Variants in ROR1 observed in about 807,000 individuals in gnomAD.
ROR1 encodes inactive tyrosine-protein kinase transmembrane receptor ROR1.
ROR1 carries 19 observed loss-of-function variants against 78.8 expected under a neutral mutation model. That is an observed-to-expected ratio of 0.24 (90% CI 0.17 to 0.35). The LOEUF is 0.35. Among genes scored for constraint, ROR1 ranks in the 10% least tolerant of loss-of-function variants. The pLI is 1.00. For synonymous variants in ROR1, 386 were observed against 433.6 expected (o/e 0.89, Z 1.36); for missense variants, 917 against 1,177.8 (o/e 0.78, Z 3.24).
intron 1 of ROR1, among the ~76,000 whole-genome samples, chr1:63,951,672 C>T (rs960934949): frequency 4.6e-5 from 7 of 152,096 alleles, no homozygotes; most frequent in Admixed American, 2.0e-4. Flanking sequence ...TAGGAGGGGC[C>T]TTAGCTATTT....
intron 1 of ROR1, among the ~76,000 whole-genome samples, chr1:63,987,856 A>G (rs148478086): frequency 8.5e-5 from 13 of 152,330 alleles, no homozygotes; most frequent in African/African-American, 2.9e-4. Flanking sequence ...GTCAACGTCA[A>G]TGGAAGTAAA....
At chr1:64,100,205 T>C (rs1272477026) in intron 4 of ROR1, among the ~76,000 whole-genome samples, 1 of 151,624 alleles carries the variant, frequency 6.6e-6, no homozygotes, top group Non-Finnish European at 1.5e-5. Context: ...AAGTTGACCA[T>C]GTGTGGTGGC....
chr1:64,031,039 C>G (rs1044758606), intron 2 of ROR1, among the ~76,000 whole-genome samples: 1 of 152,090 alleles, frequency 6.6e-6, no homozygotes, highest in Non-Finnish European at 1.5e-5. Flanking sequence ...ACCATGCCTG[C>G]CTAATTTTTG....
chr1:63,843,596 C>T (rs1645062765), intron 1 of ROR1: 3 of 672,662 alleles, frequency 4.5e-6, no homozygotes, highest in Middle Eastern at 2.7e-4. Flanking sequence ...CCTTCTTGAG[C>T]TTCTTCACCT....
chr1:63,844,315 C>A (rs537642251), intron 1 of ROR1, among the ~76,000 whole-genome samples: 1 of 152,298 alleles, frequency 6.6e-6, no homozygotes, highest in Admixed American at 6.5e-5. Flanking sequence ...GCCACCCACT[C>A]TTCTTGCAAT....
At chr1:63,797,599 T>G (rs948900327) in intron 1 of ROR1, among the ~76,000 whole-genome samples, 1 of 152,232 alleles carries the variant, frequency 6.6e-6, no homozygotes, top group African/African-American at 2.4e-5. Context: ...CTGGTCTTCC[T>G]CTACCTGAAA....
chr1:63,906,489 A>G (rs1484924917), intron 1 of ROR1, among the ~76,000 whole-genome samples: 1 of 152,148 alleles, frequency 6.6e-6, no homozygotes, highest in East Asian at 1.9e-4. Flanking sequence ...ATTTTTCTTC[A>G]ATGCAAATCC....
chr1:64,142,642 C>A lies in ROR1; in HGVS notation c.1166C>A (p.Pro389Gln). The stretch of plus-strand genomic sequence containing the variant: ...TTTAAGTCTGATCTGTGTGACATCC[C>A]AGCGTGCGGTAAATAGAAGTCATTG... ...ENFKSDLCDI[P>Q]ACDSKDSKEK... Residue 389 changes from proline (P) to glutamine (Q), a missense_variant, in exon 7 of 9, where the codon CCA becomes CAA. Coordinates refer to ENST00000371079, the MANE Select transcript of ROR1 (RefSeq NM_005012.4). The A allele has an allele frequency of 6.2e-7, 1 of 1,614,028 alleles. No individual in the cohort carries two copies. The highest frequency in any genetic ancestry group is 8.5e-7 in the Non-Finnish European group (1 of 1,179,976).
chr1:63,868,124 G>T (rs528235563), intron 1 of ROR1, among the ~76,000 whole-genome samples: 2 of 150,250 alleles, frequency 1.3e-5, no homozygotes, highest in Non-Finnish European at 2.9e-5. Flanking sequence ...AAATACTAGC[G>T]CAGTTTTTGT....
rs190573391 is a variant in ROR1, at chr1:64,123,379, A to G, written c.483-13990A>G. Among the ~76,000 whole-genome samples, 317 of 152,310 alleles carry G rather than the reference A, an allele frequency of 2.1e-3. 3 individuals carry two copies. The highest frequency in any genetic ancestry group is 7.4e-3 in the African/African-American group (308 of 41,562). On this transcript the variant is annotated intron_variant, in intron 4 of 8. Coordinates refer to ENST00000371079, the MANE Select transcript of ROR1 (RefSeq NM_005012.4). ...GATTTGTCTTTGACATGTTGGATTT[A>G]AGGACATCATTATTCTTGGAATTTA...
intron 1 of ROR1, among the ~76,000 whole-genome samples, chr1:64,003,748 C>T (rs541451069): frequency 1.3e-5 from 2 of 152,318 alleles, no homozygotes; most frequent in Admixed American, 1.3e-4. Flanking sequence ...CAGACTCTTA[C>T]TTTTCCAAAC....
intron 1 of ROR1, among the ~76,000 whole-genome samples, chr1:63,912,529 G>A (rs2100418448): frequency 6.6e-6 from 1 of 152,232 alleles, no homozygotes; most frequent in Non-Finnish European, 1.5e-5. Context: ...TTCAGGAGGG[G>A]TAGGAAGGAT....
At chr1:63,848,084 C>T (rs1162407930) in intron 1 of ROR1, among the ~76,000 whole-genome samples, 2 of 152,264 alleles carry the variant, frequency 1.3e-5, no homozygotes, top group East Asian at 3.9e-4. Context: ...CCTGGACTTA[C>T]GGATTGATTT....
At chr1:64,059,507 G>A (rs1028016983) in intron 4 of ROR1, among the ~76,000 whole-genome samples, 6 of 152,082 alleles carry the variant, frequency 3.9e-5, no homozygotes, top group South Asian at 4.2e-4. Flanking sequence ...TCAGGAGTTC[G>A]AGGCCAGCCT....
At chr1:63,965,036 T>C (rs1352130892) in intron 1 of ROR1, among the ~76,000 whole-genome samples, 1 of 152,188 alleles carries the variant, frequency 6.6e-6, no homozygotes, top group Non-Finnish European at 1.5e-5. Flanking sequence ...AAAAAGAAAG[T>C]TCTAGTATTA....
intron 1 of ROR1, among the ~76,000 whole-genome samples, chr1:63,999,915 C>A (rs1646369000): frequency 1.3e-5 from 2 of 152,202 alleles, no homozygotes; most frequent in African/African-American, 2.4e-5. Context: ...AACAAACTCT[C>A]AGTCTGTCAT....
At chr1:64,132,623 G>A (rs996203421) in intron 4 of ROR1, among the ~76,000 whole-genome samples, 6 of 151,930 alleles carry the variant, frequency 3.9e-5, no homozygotes, top group African/African-American at 1.5e-4. Flanking sequence ...AGCCAGGCAT[G>A]GTAGCACACG....
rs1164915396 is a variant in ROR1 at position 63,862,391 on chromosome 1, CAAAAAAAAAAA to C, written c.91+87896_91+87906del. Reference sequence around the variant, plus strand: ...CCTGGGAGACAGAGTGAGACTGTCTCAAAAAAAAAAAAAAAAAAAAAAAGAAATACATTTTG... The same window carrying C: ...CCTGGGAGACAGAGTGAGACTGTCTCAAAAAAAAAAAAGAAATACATTTTG... On this transcript the variant is annotated intron_variant, in intron 1 of 8. Transcript: ENST00000371079. Among the ~76,000 whole-genome samples, 29 of 56,806 alleles carry C rather than the reference CAAAAAAAAAAA, an allele frequency of 5.1e-4. No homozygotes were observed. The South Asian group carries it at 0.012, about 23-fold the overall frequency. 37.3% of individuals were successfully genotyped at this position (56,806 alleles called of 152,430 possible). A position where few individuals can be genotyped will look rare whatever the true frequency, so the allele number is the denominator to read the frequency against.
chr1:64,037,601 G>C (rs1488652869), intron 2 of ROR1, among the ~76,000 whole-genome samples: 1 of 152,122 alleles, frequency 6.6e-6, no homozygotes, highest in Non-Finnish European at 1.5e-5. Context: ...CCTCAATGTA[G>C]TCATATATGA....
Sources: allele counts gnomAD v4.1 joint callset (sites outside exome capture counted in the v4.1 genomes callset), GRCh38; gene constraint gnomAD v4.1.1; transcripts MANE v1.5; gene names NCBI Gene and HGNC (gene_info 2026-07-23, HGNC 2026-07-21).